DACH2: variants seen among roughly 807,000 people sequenced by gnomAD.
DACH2 encodes the protein dachshund family transcription factor 2, also known as dachshund homolog 2.
A neutral mutation model predicts 35.8 loss-of-function variants in DACH2; 17 were observed. The ratio of observed to expected loss-of-function variants is 0.48; its 90% CI spans 0.33 to 0.71. The LOEUF (loss-of-function observed/expected upper bound fraction) is 0.71. Ranked by LOEUF, DACH2 falls within the 30% of genes least tolerant of loss-of-function variation. The pLI is 0.02. For synonymous variants in DACH2, 195 were observed against 177.3 expected, an observed-to-expected ratio of 1.10 and a Z score of -0.79; for missense variants, 469 against 472.7, an observed-to-expected ratio of 0.99 and a Z score of 0.07.
chrX:86,188,280 T>C (rs866197883), intron 1 of DACH2, among the ~76,000 whole-genome samples: 1 of 111,988 alleles, frequency 8.9e-6, no homozygotes, highest in Middle Eastern at 4.6e-3. Flanking sequence ...GAGACGATAG[T>C]AGTTGAAACT....
chrX:86,308,600 A>G (rs1418077535), intron 1 of DACH2, among the ~76,000 whole-genome samples: 1 of 112,113 alleles, frequency 8.9e-6, no homozygotes, highest in Non-Finnish European at 1.9e-5. Context: ...TTACAGAACC[A>G]GAAGCTCTTG....
At position 86,332,076 on chromosome X, in the gene DACH2, A is replaced by C. The variant is rs755686872; in HGVS notation, c.489-44748A>C. Among the ~76,000 whole-genome samples the C allele has an allele frequency of 3.6e-5, 4 of 111,543 alleles. No homozygotes were observed. In the East Asian group the frequency reaches 1.1e-3, roughly 32 times the overall value. ...ATTTGCCTGAACAGTATAGTGACTG[A>C]GGTTTCATTACGTATTGAAGATAGT... is the stretch of plus-strand genomic sequence containing the variant. On this transcript the variant is annotated intron_variant, in intron 1 of 11. Coordinates refer to ENST00000373125, the MANE Select transcript of DACH2 (RefSeq NM_053281.3).
intron 2 of DACH2, among the ~76,000 whole-genome samples, chrX:86,456,069 G>A (rs67589393): frequency 0.037 from 4,161 of 111,894 alleles, 83 homozygotes; most frequent in East Asian, 0.22. Flanking sequence ...CCACTTCCTT[G>A]GCTGGGGCTG....
chrX:86,579,900 G>A (rs753248769), intron 3 of DACH2, among the ~76,000 whole-genome samples: 98 of 112,165 alleles, frequency 8.7e-4, no homozygotes, highest in Non-Finnish European at 1.6e-3. Flanking sequence ...GTGCTGCCAT[G>A]GCTGCTGGCA....
At chrX:86,766,875 G>A (rs914142475) in intron 7 of DACH2, among the ~76,000 whole-genome samples, 1 of 111,116 alleles carries the variant, frequency 9.0e-6, no homozygotes, top group Non-Finnish European at 1.9e-5. Context: ...GGCATTCACA[G>A]AGTCTTACTT....
At chrX:86,275,041 C>T (rs2033892863) in intron 1 of DACH2, among the ~76,000 whole-genome samples, 1 of 111,638 alleles carries the variant, frequency 9.0e-6, no homozygotes, top group Admixed American at 9.5e-5. Flanking sequence ...TTGACTTTTG[C>T]ACATTTCTAC....
chrX:86,244,614 T>C (rs1336281376), intron 1 of DACH2, among the ~76,000 whole-genome samples: 5 of 111,648 alleles, frequency 4.5e-5, no homozygotes, highest in Non-Finnish European at 9.4e-5. Flanking sequence ...ACGCCATCTC[T>C]AAAAATAACT....
At chrX:86,293,336 G>T (rs1443247414) in intron 1 of DACH2, among the ~76,000 whole-genome samples, 1 of 109,951 alleles carries the variant, frequency 9.1e-6, no homozygotes, top group Non-Finnish European at 1.9e-5. Flanking sequence ...CACGTGAGAT[G>T]GGTTTCCTGA....
chrX:86,630,232 C>A (rs1170143561), intron 3 of DACH2, among the ~76,000 whole-genome samples: 2 of 110,002 alleles, frequency 1.8e-5, no homozygotes, highest in Non-Finnish European at 3.8e-5. Flanking sequence ...CCTGGAGTAC[C>A]TGGGTTTAAA....
intron 1 of DACH2, among the ~76,000 whole-genome samples, chrX:86,232,020 G>T (rs1208534117): frequency 9.0e-6 from 1 of 111,434 alleles, no homozygotes; most frequent in Admixed American, 9.5e-5. Context: ...AGCTTCTCCA[G>T]TGGGGGTGTG....
intron 1 of DACH2, among the ~76,000 whole-genome samples, chrX:86,204,063 T>A (rs2032222368): frequency 8.9e-6 from 1 of 111,776 alleles, no homozygotes; most frequent in Non-Finnish European, 1.9e-5. Context: ...TAAGCAGAAG[T>A]GGAGCAAATT....
intron 3 of DACH2, among the ~76,000 whole-genome samples, chrX:86,546,404 C>T (rs760913662): frequency 1.4e-4 from 3 of 21,687 alleles, no homozygotes; most frequent in African/African-American, 3.7e-4. Context: ...TCTTCTTCTT[C>T]CTTCTTCTTC....
In DACH2 at chrX:86,714,775, T is replaced by C. The variant is rs1021165540; in HGVS notation, c.1104+55T>C. ...GGTGTCAATTTCATGCAAATTTTGA[T>C]AAAATATTTACAATCCCACTGGATC... On this transcript the variant is annotated intron_variant, in intron 6 of 11. Coordinates refer to ENST00000373125, the MANE Select transcript of DACH2 (RefSeq NM_053281.3). 32 of 1,024,426 alleles carry C rather than the reference T, an allele frequency of 3.1e-5. No individual in the cohort carries two copies. In the African/African-American group the frequency reaches 5.7e-4, roughly 18 times the overall value. The allele number at this position is 1,024,426 out of a possible 1,213,427, so 84.4% of individuals were successfully genotyped here.
chrX:86,360,099 ACTC>A (rs2035714441), intron 1 of DACH2, among the ~76,000 whole-genome samples: 1 of 110,014 alleles, frequency 9.1e-6, no homozygotes, highest in Non-Finnish European at 1.9e-5. Context: ...GGCCTGGACT[ACTC>A]TGTTTATTTT....
intron 7 of DACH2, among the ~76,000 whole-genome samples, chrX:86,752,651 A>G (rs1432936866): frequency 9.0e-6 from 1 of 111,507 alleles, no homozygotes; most frequent in Non-Finnish European, 1.9e-5. Context: ...ATTGTCTTGG[A>G]TCAGAACATA....
intron 3 of DACH2, among the ~76,000 whole-genome samples, chrX:86,578,771 TTGAG>T (rs745658069): frequency 9.0e-6 from 1 of 111,370 alleles, no homozygotes; most frequent in Non-Finnish European, 1.9e-5. Context: ...TTCAGTTCAC[TTGAG>T]TGAGTATGTA....
chrX:86,446,031 C>T (rs1219094189), intron 2 of DACH2, among the ~76,000 whole-genome samples: 2 of 110,740 alleles, frequency 1.8e-5, no homozygotes, highest in Non-Finnish European at 3.8e-5. Context: ...TTTAAGTGCC[C>T]CAATGTTGGG....
chrX:86,211,118 T>C (rs1291674905), intron 1 of DACH2, among the ~76,000 whole-genome samples: 1 of 111,486 alleles, frequency 9.0e-6, no homozygotes, highest in African/African-American at 3.3e-5. Context: ...CTTGGGGCTT[T>C]TCTTTTCTGA....
chrX:86,581,006 A>G (rs2039494316), intron 3 of DACH2, among the ~76,000 whole-genome samples: 1 of 111,656 alleles, frequency 9.0e-6, no homozygotes, highest in African/African-American at 3.3e-5. Flanking sequence ...CAGGTCACCT[A>G]CAAAGGGAAC....
Sources: allele counts gnomAD v4.1 joint callset (sites outside exome capture counted in the v4.1 genomes callset), GRCh38; gene constraint gnomAD v4.1.1; transcripts MANE v1.5; gene names NCBI Gene and HGNC (gene_info 2026-07-23, HGNC 2026-07-21).